Variants in ITFG1 observed in about 807,000 individuals in gnomAD.
The protein encoded by ITFG1 is integrin alpha FG-GAP repeat containing 1.
Under a neutral mutation model 81.8 loss-of-function variants are expected in ITFG1, and 34 were observed. The observed-to-expected ratio is 0.42, with a 90% confidence interval of 0.32 to 0.55. The LOEUF is 0.55. ITFG1 is among the 20% of genes least tolerant of loss of function. The probability of loss-of-function intolerance (pLI) is 0.17; values close to 1 mark genes in which losing one functional copy is unlikely to be tolerated. For synonymous variants in ITFG1, 285 were observed against 270.6 expected, an observed-to-expected ratio of 1.05 and a Z score of -0.52; for missense variants, 672 against 755.4, an observed-to-expected ratio of 0.89 and a Z score of 1.29.
At chr16:47,202,113 G>A (rs1965431763) in intron 14 of ITFG1, 1 of 152,138 alleles carries the variant, frequency 6.6e-6, no homozygotes, top group Non-Finnish European at 1.5e-5. Flanking sequence ...CCTGTCACAT[G>A]TTTATATGAG....
chr16:47,436,211 T>C (rs1297052898), intron 5 of ITFG1, among the ~76,000 whole-genome samples: 9 of 152,138 alleles, frequency 5.9e-5, no homozygotes. Context: ...TGAACTATCA[T>C]ATAAAATAAA....
At chr16:47,408,171 GT>G (rs1379238511) in intron 6 of ITFG1, among the ~76,000 whole-genome samples, 17 of 152,170 alleles carry the variant, frequency 1.1e-4, no homozygotes, top group African/African-American at 3.9e-4. Context: ...TGGTGATCTT[GT>G]TTTTTCGTCT....
chr16:47,157,686 G>C (rs1487296980), intron 17 of ITFG1: 2 of 152,148 alleles, frequency 1.3e-5, no homozygotes, highest in South Asian at 2.1e-4. Context: ...TACTGTTTTT[G>C]ATATGTAAAG....
At chr16:47,378,131 G>C (rs2151591370) in intron 6 of ITFG1, among the ~76,000 whole-genome samples, 1 of 152,284 alleles carries the variant, frequency 6.6e-6, no homozygotes, top group East Asian at 1.9e-4. Context: ...AGAATTCTAA[G>C]AATCACTAAG....
intron 6 of ITFG1, among the ~76,000 whole-genome samples, chr16:47,404,734 G>T (rs1968706742): frequency 6.6e-6 from 1 of 151,834 alleles, no homozygotes; most frequent in African/African-American, 2.4e-5. Context: ...GCTCAGCATT[G>T]TTTCTGTGAC....
intron 10 of ITFG1, among the ~76,000 whole-genome samples, chr16:47,306,420 C>T (rs1024682377): frequency 3.3e-5 from 5 of 151,906 alleles, no homozygotes; most frequent in African/African-American, 1.2e-4. Flanking sequence ...ATCCAAAAAA[C>T]CACCATAAAA....
intron 12 of ITFG1, among the ~76,000 whole-genome samples, chr16:47,238,666 C>T (rs968540299): frequency 6.6e-6 from 1 of 151,808 alleles, no homozygotes; most frequent in African/African-American, 2.4e-5. Flanking sequence ...AGAAAGCAGA[C>T]ATTATATGCT....
At chr16:47,400,625 T>C (rs958193865) in intron 6 of ITFG1, among the ~76,000 whole-genome samples, 2 of 152,124 alleles carry the variant, frequency 1.3e-5, no homozygotes, top group Admixed American at 6.5e-5. Context: ...ATAGTGGTCA[T>C]TGTATTCTGG....
intron 6 of ITFG1, among the ~76,000 whole-genome samples, chr16:47,427,486 G>A (rs897543483): frequency 4.6e-5 from 7 of 151,988 alleles, no homozygotes; most frequent in South Asian, 2.1e-4. Flanking sequence ...GTGAAACCCC[G>A]TCTCTACTAA....
chr16:47,289,346 C>T (rs1966883504), intron 10 of ITFG1, among the ~76,000 whole-genome samples: 2 of 152,172 alleles, frequency 1.3e-5, no homozygotes, highest in South Asian at 4.1e-4. Flanking sequence ...GTTTTGGTAT[C>T]AGGGTAATGG....
chr16:47,407,284 A>G (rs1968740953), intron 6 of ITFG1, among the ~76,000 whole-genome samples: 1 of 152,178 alleles, frequency 6.6e-6, no homozygotes, highest in African/African-American at 2.4e-5. Flanking sequence ...ATTTCAAAGG[A>G]AGAATGAGCA....
chr16:47,256,988 T>C (rs1966145992), intron 12 of ITFG1, among the ~76,000 whole-genome samples: 1 of 152,240 alleles, frequency 6.6e-6, no homozygotes, highest in Admixed American at 6.5e-5. Flanking sequence ...AAAGTAGGAA[T>C]AGGGAGAACC....
At chr16:47,223,334 C>T (rs1965716558) in intron 13 of ITFG1, among the ~76,000 whole-genome samples, 2 of 152,202 alleles carry the variant, frequency 1.3e-5, no homozygotes, top group Admixed American at 6.5e-5. Flanking sequence ...GCAACCTACT[C>T]ATCTGACAAA....
At chr16:47,363,135 G>C (rs1331511483) in intron 8 of ITFG1, among the ~76,000 whole-genome samples, 1 of 152,088 alleles carries the variant, frequency 6.6e-6, no homozygotes, top group Non-Finnish European at 1.5e-5. Context: ...CTGAGCTCAA[G>C]TGATCCTCCC....
Position 47,428,690 on chromosome 16 carries a change from T to G in ITFG1, c.655+114A>C. Reference sequence around the variant, plus strand: ...AAATCACTGACTTTCTAACATCCTTTAAACATTAATTTCAACATTTACTTC... The same window carrying G: ...AAATCACTGACTTTCTAACATCCTTGAAACATTAATTTCAACATTTACTTC... On this transcript the variant is annotated intron_variant, in intron 6 of 17. Coordinates refer to ENST00000320640, the MANE Select transcript of ITFG1 (RefSeq NM_030790.5). 3 of 725,604 alleles carry G rather than the reference T, an allele frequency of 4.1e-6. No individual in the cohort carries two copies. The South Asian group carries it at 4.9e-5, about 12-fold the overall frequency. 44.9% of individuals were successfully genotyped at this position (725,604 alleles called of 1,614,324 possible).
intron 6 of ITFG1, among the ~76,000 whole-genome samples, chr16:47,424,572 T>C (rs1223362982): frequency 6.6e-6 from 1 of 152,246 alleles, no homozygotes; most frequent in Non-Finnish European, 1.5e-5. Context: ...TGTGGTTTTA[T>C]CTACCTTTGG....
At chr16:47,320,512 GA>G (rs1361910847) in intron 8 of ITFG1, among the ~76,000 whole-genome samples, 1 of 152,122 alleles carries the variant, frequency 6.6e-6, no homozygotes, top group Non-Finnish European at 1.5e-5. Flanking sequence ...TTTACAGATG[GA>G]TATCTGGTTA....
chr16:47,226,051 T>C (rs1294950738), intron 13 of ITFG1, among the ~76,000 whole-genome samples: 2 of 152,226 alleles, frequency 1.3e-5, no homozygotes, highest in Non-Finnish European at 2.9e-5. Flanking sequence ...GTAATTTGTA[T>C]TGACAATAAT....
At chr16:47,395,479 G>A (rs980578154) in intron 6 of ITFG1, among the ~76,000 whole-genome samples, 3 of 152,092 alleles carry the variant, frequency 2.0e-5, no homozygotes, top group South Asian at 4.1e-4. Context: ...TCATGCCTAG[G>A]CAAAAAGCTT....
Sources: gnomAD v4.1 joint callset for allele counts (sites outside exome capture counted in the v4.1 genomes callset) on GRCh38, gnomAD v4.1.1 for gene constraint, MANE v1.5 for transcripts, NCBI Gene and HGNC (gene_info 2026-07-23, HGNC 2026-07-21) for gene names.